The following CNTN5 variants were observed in gnomAD, a reference collection of about 807,000 sequenced individuals.
CNTN5 encodes contactin-5.
CNTN5 carries 77 observed loss-of-function variants against 129.1 expected under a neutral mutation model. The ratio of observed to expected loss-of-function variants is 0.60; its 90% CI spans 0.50 to 0.72. The LOEUF (loss-of-function observed/expected upper bound fraction) is 0.72. CNTN5 is among the 30% of genes least tolerant of loss of function. The pLI is 0.00. For missense variants in CNTN5, 1,478 were observed against 1,328.8 expected (o/e 1.11, Z -1.75); for synonymous variants, 509 against 465.6 (o/e 1.09, Z -1.20).
chr11:99,331,458 T>C (rs1382411265), intron 2 of CNTN5, among the ~76,000 whole-genome samples: 1 of 152,088 alleles, frequency 6.6e-6, no homozygotes, highest in African/African-American at 2.4e-5. Context: ...TACCTCAACA[T>C]GCAGAAAGAT....
At chr11:99,821,676 G>A (rs1379038735) in intron 4 of CNTN5, among the ~76,000 whole-genome samples, 1 of 152,074 alleles carries the variant, frequency 6.6e-6, no homozygotes, top group Non-Finnish European at 1.5e-5. Flanking sequence ...ATGAGAAGTA[G>A]TAATTCTCTA....
chr11:99,063,771 C>CA (rs1864984485), intron 1 of CNTN5, among the ~76,000 whole-genome samples: 1 of 152,110 alleles, frequency 6.6e-6, no homozygotes, highest in African/African-American at 2.4e-5. Flanking sequence ...TAAGAAGTTG[C>CA]AAAGGGGTTT....
At chr11:99,319,300 A>G (rs1865466561) in intron 1 of CNTN5, among the ~76,000 whole-genome samples, 1 of 152,190 alleles carries the variant, frequency 6.6e-6, no homozygotes, top group Admixed American at 6.5e-5. Flanking sequence ...GATATGGCCA[A>G]CCACATGACT....
Position 99,326,339 on chromosome 11 carries a change from A to G in CNTN5, c.-71+855A>G, listed in dbSNP as rs543776969. 5.9e-5 allele frequency among the ~76,000 whole-genome samples: 9 copies of G among 152,322 alleles called. No individual in the cohort carries two copies. In the South Asian group the frequency reaches 1.9e-3, roughly 32 times the overall value. The stretch of plus-strand genomic sequence containing the variant: ...TCTGCTTATTTATAAAATGTTGACA[A>G]TAGTGTACCCAATTTCAAGGCTGTC... On this transcript the variant is annotated intron_variant, in intron 2 of 24. Coordinates refer to ENST00000524871, the MANE Select transcript of CNTN5 (RefSeq NM_014361.4).
intron 9 of CNTN5, among the ~76,000 whole-genome samples, chr11:100,010,000 C>A (rs1940430326): frequency 1.3e-5 from 2 of 152,012 alleles, no homozygotes. Flanking sequence ...AATCTAGGGA[C>A]CTTAATGGAA....
intron 13 of CNTN5, among the ~76,000 whole-genome samples, chr11:100,102,885 C>T (rs1945277461): frequency 6.6e-6 from 1 of 152,102 alleles, no homozygotes; most frequent in Non-Finnish European, 1.5e-5. Flanking sequence ...CTTCCTCTAA[C>T]TGGCTGATTT....
rs149736556 is a variant in CNTN5, at chr11:100,220,020, G to A, written c.1885-4672G>A. Among the ~76,000 whole-genome samples the A allele has an allele frequency of 4.7e-4, 72 of 152,280 alleles. No homozygotes were observed. In the East Asian group the frequency reaches 0.012, roughly 26 times the overall value. On this transcript the variant is annotated intron_variant, in intron 15 of 24. Transcript: ENST00000524871. ...CAGCTGGGCGTGGTGGCTCATGCCTGTAATCTGAGCACTTTGGGAGGCTGA... is the reference window on the plus strand; with the variant it reads ...CAGCTGGGCGTGGTGGCTCATGCCTATAATCTGAGCACTTTGGGAGGCTGA...
intron 13 of CNTN5, among the ~76,000 whole-genome samples, chr11:100,091,504 C>T (rs1304642992): frequency 4.1e-5 from 6 of 147,420 alleles, no homozygotes; most frequent in African/African-American, 1.3e-4. Flanking sequence ...TCTCGGCTCA[C>T]TGCAAACTCC....
At chr11:99,980,565 T>G (rs1938268391) in intron 8 of CNTN5, among the ~76,000 whole-genome samples, 1 of 152,164 alleles carries the variant, frequency 6.6e-6, no homozygotes, top group South Asian at 2.1e-4. Context: ...GAGGGTCCCT[T>G]CCACTATAAA....
chr11:100,268,209 A>C (rs941376285), intron 17 of CNTN5, among the ~76,000 whole-genome samples: 37 of 152,206 alleles, frequency 2.4e-4, no homozygotes, highest in Non-Finnish European at 5.1e-4. Context: ...TATCTGTTAG[A>C]CATCCAAATG....
At chr11:99,066,087 A>G (rs948386703) in intron 1 of CNTN5, among the ~76,000 whole-genome samples, 1 of 152,090 alleles carries the variant, frequency 6.6e-6, no homozygotes, top group Non-Finnish European at 1.5e-5. Context: ...ATATATTCAA[A>G]TAACTTTTTT....
intron 3 of CNTN5, among the ~76,000 whole-genome samples, chr11:99,802,937 G>A (rs914217708): frequency 1.3e-5 from 2 of 152,196 alleles, no homozygotes; most frequent in Non-Finnish European, 2.9e-5. Context: ...TGGTGAGCCG[G>A]TGTTTTGAAC....
At chr11:100,119,777 C>T (rs1021249811) in intron 13 of CNTN5, among the ~76,000 whole-genome samples, 2 of 151,782 alleles carry the variant, frequency 1.3e-5, no homozygotes, top group African/African-American at 4.8e-5. Context: ...CAAATTTTAT[C>T]TCTGAGTCAG....
At chr11:99,109,794 T>A (rs1459838126) in intron 1 of CNTN5, among the ~76,000 whole-genome samples, 1 of 152,168 alleles carries the variant, frequency 6.6e-6, no homozygotes, top group Admixed American at 6.5e-5. Flanking sequence ...CAATTCCTTT[T>A]TCTTTTCAGT....
chr11:99,833,530 G>A (rs1947210905), intron 4 of CNTN5, among the ~76,000 whole-genome samples: 1 of 152,174 alleles, frequency 6.6e-6, no homozygotes, highest in South Asian at 2.1e-4. Flanking sequence ...GGAGACTAAT[G>A]TGAGTGTTCT....
chr11:99,958,948 A>G (rs1950872317), intron 8 of CNTN5, among the ~76,000 whole-genome samples: 1 of 152,164 alleles, frequency 6.6e-6, no homozygotes. Flanking sequence ...GGAGAGTAGC[A>G]CATGTGTAAG....
At chr11:100,267,630 T>C (rs1188065569) in intron 17 of CNTN5, among the ~76,000 whole-genome samples, 1 of 152,088 alleles carries the variant, frequency 6.6e-6, no homozygotes, top group Non-Finnish European at 1.5e-5. Flanking sequence ...AGGAACATGA[T>C]ATGCAAGAGC....
At chr11:99,427,489 T>G (rs369559393) in intron 2 of CNTN5, among the ~76,000 whole-genome samples, 10 of 152,184 alleles carry the variant, frequency 6.6e-5, no homozygotes, top group East Asian at 1.9e-4. Flanking sequence ...TTCTTGGGCC[T>G]GGCGCGGTGG....
intron 16 of CNTN5, among the ~76,000 whole-genome samples, chr11:100,248,892 T>G (rs1439466281): frequency 6.6e-6 from 1 of 152,124 alleles, no homozygotes; most frequent in African/African-American, 2.4e-5. Context: ...ATACACAACT[T>G]TCTGTTTGTT....
Sources: allele counts gnomAD v4.1 joint callset (sites outside exome capture counted in the v4.1 genomes callset), GRCh38; gene constraint gnomAD v4.1.1; transcripts MANE v1.5; gene names NCBI Gene and HGNC (gene_info 2026-07-23, HGNC 2026-07-21).